The following IL1RAPL1 variants were observed in gnomAD, a reference collection of about 807,000 sequenced individuals.
IL1RAPL1 encodes interleukin 1 receptor accessory protein like 1, also known as interleukin-1 receptor accessory protein-like 1.
A neutral mutation model predicts 48.4 loss-of-function variants in IL1RAPL1; 3 were observed. That is an observed-to-expected ratio of 0.06 (90% CI 0.03 to 0.16). The LOEUF is 0.16. Among genes scored for constraint, IL1RAPL1 ranks in the 10% least tolerant of loss-of-function variants. IL1RAPL1 has a pLI of 1.00. For missense variants in IL1RAPL1, 349 were observed against 530.6 expected, an observed-to-expected ratio of 0.66 and a Z score of 3.36; for synonymous variants, 185 against 187.7, an observed-to-expected ratio of 0.99 and a Z score of 0.12.
At chrX:28,735,890 T>C (rs1457550389) in intron 1 of IL1RAPL1, among the ~76,000 whole-genome samples, 1 of 111,869 alleles carries the variant, frequency 8.9e-6, no homozygotes, top group Admixed American at 9.6e-5. Context: ...TTAGTATTAA[T>C]GATTTAAAGT....
chrX:28,717,974 G>A (rs752832380), intron 1 of IL1RAPL1, among the ~76,000 whole-genome samples: 19 of 111,506 alleles, frequency 1.7e-4, no homozygotes, highest in African/African-American at 5.8e-4. Context: ...TGATAAATAA[G>A]TAAATACTAA....
chrX:28,951,413 T>TAAAAA (rs58992212), intron 2 of IL1RAPL1, among the ~76,000 whole-genome samples: 1 of 90,606 alleles, frequency 1.1e-5, no homozygotes, highest in Non-Finnish European at 2.2e-5. Context: ...TGATAAATGG[T>TAAAAA]AAAAAAAAAA....
At chrX:28,898,411 G>A (rs752866708) in intron 2 of IL1RAPL1, among the ~76,000 whole-genome samples, 1 of 111,722 alleles carries the variant, frequency 9.0e-6, no homozygotes, top group South Asian at 3.7e-4. Context: ...ATTGAGGTCT[G>A]TGATTTATTT....
At chrX:29,886,319 A>G (rs1442772862) in intron 6 of IL1RAPL1, among the ~76,000 whole-genome samples, 3 of 112,504 alleles carry the variant, frequency 2.7e-5, no homozygotes, top group African/African-American at 9.7e-5. Context: ...GAAGTAAGCA[A>G]TAAGCAATAA....
rs1171085384 is a variant in IL1RAPL1, at chrX:28,780,333, A to ATGTG, written c.-24-8957_-24-8954dup. 1.5e-3 allele frequency among the ~76,000 whole-genome samples: 147 copies of ATGTG among 96,518 alleles called. 2 individuals are homozygous for ATGTG. Among genetic ancestry groups the ATGTG allele is most frequent in the African/African-American group, 4.5e-3 (115 of 25,663 alleles). 83.8% of individuals were successfully genotyped at this position (96,518 alleles called of 115,157 possible). ...TCTTTCAATCACAGTGTGTGTGTGT[A>ATGTG]TGTGTGTGTGTGTGTGTGTGTGTGT... On this transcript the variant is annotated intron_variant, in intron 1 of 10. Coordinates refer to ENST00000378993, the MANE Select transcript of IL1RAPL1 (RefSeq NM_014271.4).
At chrX:29,184,750 C>T (rs747042514) in intron 2 of IL1RAPL1, among the ~76,000 whole-genome samples, 1 of 111,697 alleles carries the variant, frequency 9.0e-6, no homozygotes, top group African/African-American at 3.3e-5. Context: ...ATCTGCCTGC[C>T]TCGGCTTCCC....
intron 3 of IL1RAPL1, among the ~76,000 whole-genome samples, chrX:29,297,965 A>T (rs774166514): frequency 8.9e-6 from 1 of 112,038 alleles, no homozygotes; most frequent in African/African-American, 3.2e-5. Flanking sequence ...CTGTGTTTCT[A>T]TTCTTGACTC....
At chrX:29,172,009 A>G (rs1373012310) in intron 2 of IL1RAPL1, among the ~76,000 whole-genome samples, 2 of 112,404 alleles carry the variant, frequency 1.8e-5, no homozygotes, top group Non-Finnish European at 3.8e-5. Context: ...TGCCAATAAT[A>G]ACCTCAAGAT....
intron 2 of IL1RAPL1, among the ~76,000 whole-genome samples, chrX:29,100,416 C>T (rs2147463069): frequency 9.0e-6 from 1 of 111,071 alleles, no homozygotes; most frequent in East Asian, 2.8e-4. Flanking sequence ...AGCTTGCCTC[C>T]CTTGAACATG....
chrX:29,160,214 C>T (rs1475506644), intron 2 of IL1RAPL1, among the ~76,000 whole-genome samples: 7 of 111,804 alleles, frequency 6.3e-5, no homozygotes, highest in Admixed American at 2.9e-4. Flanking sequence ...ATATTCACAG[C>T]AAAAGTACTA....
At chrX:28,959,229 A>T (rs1296959662) in intron 2 of IL1RAPL1, among the ~76,000 whole-genome samples, 5 of 111,598 alleles carry the variant, frequency 4.5e-5, no homozygotes. Flanking sequence ...ATCGTTCAGT[A>T]CAAACTATTC....
intron 6 of IL1RAPL1, among the ~76,000 whole-genome samples, chrX:29,835,626 C>A (rs1419858731): frequency 9.0e-6 from 1 of 111,208 alleles, no homozygotes. Context: ...CAACAGTGAA[C>A]CCATCAAGTC....
intron 1 of IL1RAPL1, among the ~76,000 whole-genome samples, chrX:28,721,203 C>A (rs866188340): frequency 9.8e-5 from 11 of 112,037 alleles, no homozygotes; most frequent in Non-Finnish European, 1.7e-4. Flanking sequence ...AGTTTACAGT[C>A]CCACCAACAG....
chrX:28,612,055 T>C (rs1261596334), intron 1 of IL1RAPL1, among the ~76,000 whole-genome samples: 2 of 111,770 alleles, frequency 1.8e-5, no homozygotes, highest in Non-Finnish European at 3.8e-5. Flanking sequence ...CCAGAAACCA[T>C]ATATGGCTTG....
chrX:28,612,578 G>A (rs1253787183), intron 1 of IL1RAPL1, among the ~76,000 whole-genome samples: 1 of 111,913 alleles, frequency 8.9e-6, no homozygotes, highest in Non-Finnish European at 1.9e-5. Flanking sequence ...CTCTGCCTGA[G>A]TATGAGGGTG....
chrX:29,823,266 G>A (rs1930659981), intron 6 of IL1RAPL1, among the ~76,000 whole-genome samples: 1 of 111,810 alleles, frequency 8.9e-6, no homozygotes, highest in Non-Finnish European at 1.9e-5. Flanking sequence ...TTGGTCACAT[G>A]GAAGGTAATA....
At chrX:29,006,647 ATGTGTGTGTGTGTGTGTGTGTGTG>A (rs547186942) in intron 2 of IL1RAPL1, among the ~76,000 whole-genome samples, 6 of 76,934 alleles carry the variant, frequency 7.8e-5, no homozygotes, top group African/African-American at 2.0e-4. Flanking sequence ...GTTTATATAT[ATGTGTGTGTGTGTGTGTGTGTGTG>A]TGTGTGTGTG....
intron 3 of IL1RAPL1, among the ~76,000 whole-genome samples, chrX:29,388,955 T>G: frequency 8.9e-6 from 1 of 112,166 alleles, no homozygotes; most frequent in Non-Finnish European, 1.9e-5. Context: ...AAAATGTGTG[T>G]CTAAGAATTC....
intron 5 of IL1RAPL1, among the ~76,000 whole-genome samples, chrX:29,524,491 T>C (rs1186266715): frequency 7.2e-5 from 8 of 111,573 alleles, no homozygotes; most frequent in Non-Finnish European, 1.9e-5. Context: ...GTCTGCAAAG[T>C]ACTCTTTTTT....
Sources: allele counts gnomAD v4.1 joint callset (sites outside exome capture counted in the v4.1 genomes callset), GRCh38; gene constraint gnomAD v4.1.1; transcripts MANE v1.5; gene names NCBI Gene and HGNC (gene_info 2026-07-23, HGNC 2026-07-21).